The following SLC25A12 variants were observed in gnomAD, a reference collection of about 807,000 sequenced individuals.
The protein encoded by SLC25A12 is electrogenic aspartate/glutamate antiporter SLC25A12, mitochondrial.
A neutral mutation model predicts 83.3 loss-of-function variants in SLC25A12; 32 were observed. The observed-to-expected ratio is 0.38, with a 90% confidence interval of 0.29 to 0.52. SLC25A12 has a LOEUF of 0.52. SLC25A12 is among the 20% of genes least tolerant of loss of function. SLC25A12 has a pLI of 0.84. For missense variants in SLC25A12, 611 were observed against 835.6 expected (o/e 0.73, Z 3.31); for synonymous variants, 267 against 291.1 (o/e 0.92, Z 0.84).
rs746521557 is a variant in SLC25A12 at position 171,844,321 on chromosome 2, C to A, written c.465+48G>T. 10 of 1,579,152 alleles carry A rather than the reference C, an allele frequency of 6.3e-6. No homozygotes were observed. The African/African-American group carries it at 1.2e-4, about 19-fold the overall frequency. ...AACTTAATAAATACAAAGCGAAGGA[C>A]ACAGAAGAATAGTATATATTGATAC... is the stretch of plus-strand genomic sequence containing the variant. On this transcript the variant is annotated intron_variant, in intron 5 of 17. Transcript: ENST00000422440.
intron 3 of SLC25A12, among the ~76,000 whole-genome samples, chr2:171,864,450 A>G (rs542242661): frequency 1.3e-5 from 2 of 152,272 alleles, no homozygotes; most frequent in East Asian, 1.9e-4. Flanking sequence ...TCACACACCC[A>G]TACACTACCA....
At chr2:171,861,718 T>C (rs1216698971) in intron 3 of SLC25A12, among the ~76,000 whole-genome samples, 1 of 152,200 alleles carries the variant, frequency 6.6e-6, no homozygotes. Flanking sequence ...CCAGAATATT[T>C]TTAAGGCTCC....
chr2:171,873,265 G>A (rs548006908), intron 2 of SLC25A12, among the ~76,000 whole-genome samples: 5 of 152,122 alleles, frequency 3.3e-5, no homozygotes, highest in African/African-American at 1.2e-4. Context: ...TGGCTAACAC[G>A]GTGAAACCCC....
intron 2 of SLC25A12, among the ~76,000 whole-genome samples, chr2:171,881,570 C>T (rs964484644): frequency 1.3e-5 from 2 of 152,094 alleles, no homozygotes; most frequent in African/African-American, 2.4e-5. Context: ...GGAAGGACTT[C>T]AAGCCTTCAG....
intron 2 of SLC25A12, among the ~76,000 whole-genome samples, chr2:171,876,549 G>GGT (rs1558941971): frequency 1.4e-5 from 2 of 143,298 alleles, no homozygotes; most frequent in Non-Finnish European, 3.1e-5. Context: ...TTTTTGGGGG[G>GGT]GGGGGGACTC....
intron 3 of SLC25A12, among the ~76,000 whole-genome samples, chr2:171,865,211 C>T (rs961414383): frequency 8.5e-5 from 13 of 152,112 alleles, no homozygotes; most frequent in African/African-American, 2.7e-4. Flanking sequence ...ATTTGGAACT[C>T]GTTCTGCTCA....
Position 171,824,443 on chromosome 2 carries a change from G to A in SLC25A12, c.930+2355C>T, listed in dbSNP as rs568895576. On this transcript the variant is annotated intron_variant, in intron 9 of 17. Coordinates refer to ENST00000422440, the MANE Select transcript of SLC25A12 (RefSeq NM_003705.5). ...AAACTGAGGAGGAGAAATGAGTTGA[G>A]ACTTTTAAATTCAATGTTTTTAATA... 9.9e-5 allele frequency among the ~76,000 whole-genome samples: 15 copies of A among 152,244 alleles called. No individual in the cohort carries two copies. The South Asian group carries it at 2.9e-3, about 29-fold the overall frequency.
At chr2:171,809,279 C>T (rs1469669503) in intron 13 of SLC25A12, 15 of 317,440 alleles carry the variant, frequency 4.7e-5, no homozygotes, top group Non-Finnish European at 7.8e-5. Context: ...GGAATTGCCA[C>T]ACTGTCTTCC....
intron 3 of SLC25A12, among the ~76,000 whole-genome samples, chr2:171,862,599 G>C (rs1209473548): frequency 6.6e-6 from 1 of 152,176 alleles, no homozygotes; most frequent in Non-Finnish European, 1.5e-5. Context: ...AAGGATTGCA[G>C]AGCACAAAAG....
At chr2:171,810,500 G>A (rs1320735088) in intron 11 of SLC25A12, among the ~76,000 whole-genome samples, 1 of 152,130 alleles carries the variant, frequency 6.6e-6, no homozygotes, top group Non-Finnish European at 1.5e-5. Context: ...CTCTTCTTAA[G>A]CATGCTTACT....
chr2:171,846,222 T>C (rs1684794865), intron 4 of SLC25A12, among the ~76,000 whole-genome samples: 2 of 151,938 alleles, frequency 1.3e-5, no homozygotes, highest in Admixed American at 1.3e-4. Flanking sequence ...TTAAAAAAAA[T>C]TAAAAATGGA....
chr2:171,804,163 T>C (rs1448995252), intron 13 of SLC25A12, among the ~76,000 whole-genome samples: 1 of 152,228 alleles, frequency 6.6e-6, no homozygotes, highest in East Asian at 1.9e-4. Context: ...TACTGATACA[T>C]GCTACAACAC....
intron 2 of SLC25A12, among the ~76,000 whole-genome samples, chr2:171,886,591 C>G (rs904916186): frequency 6.6e-6 from 1 of 151,822 alleles, no homozygotes; most frequent in Non-Finnish European, 1.5e-5. Context: ...CTCACTGCAA[C>G]CTCAGCCTCC....
At chr2:171,890,471 G>A (rs1023736565) in intron 2 of SLC25A12, among the ~76,000 whole-genome samples, 5 of 122,376 alleles carry the variant, frequency 4.1e-5, no homozygotes, top group Non-Finnish European at 3.5e-5. Context: ...ACTGTATCGT[G>A]TGTGTCTGTG....
chr2:171,809,323 A>G, intron 13 of SLC25A12: 2 of 412,376 alleles, frequency 4.8e-6, no homozygotes, highest in Non-Finnish European at 9.0e-6. Context: ...TCCCACCAAC[A>G]GTGTAAAATG....
At chr2:171,889,597 T>C (rs1414748206) in intron 2 of SLC25A12, among the ~76,000 whole-genome samples, 1 of 152,180 alleles carries the variant, frequency 6.6e-6, no homozygotes, top group African/African-American at 2.4e-5. Context: ...CAAATCCAAA[T>C]TCCTTGGCTA....
At chr2:171,868,079 C>T (rs988302904) in intron 3 of SLC25A12, among the ~76,000 whole-genome samples, 3 of 152,166 alleles carry the variant, frequency 2.0e-5, no homozygotes, top group African/African-American at 7.2e-5. Flanking sequence ...ATCTCCTGAC[C>T]TCGTGATCCA....
chr2:171,828,382 A>G (rs904122821), intron 8 of SLC25A12, among the ~76,000 whole-genome samples: 4 of 152,180 alleles, frequency 2.6e-5, no homozygotes, highest in Admixed American at 6.5e-5. Context: ...TCTTATGTCA[A>G]ATTCTCCTAA....
Position 171,813,361 on chromosome 2 carries a change from C to A in SLC25A12, c.1149G>T (p.Glu383Asp). Reference sequence around the variant, plus strand: ...CACCCCTGTAGAGTCCAAAGAAGCCCTCATAACGCAAGACTTTCTTAAAAC... The same window carrying A: ...CACCCCTGTAGAGTCCAAAGAAGCCATCATAACGCAAGACTTTCTTAAAAC... ...FDCFKKVLRY[E>D]GFFGLYRGLI... The change falls in exon 11 of 18, where the codon GAG (glutamate) becomes GAT (aspartate). Residue 383 changes from glutamate to aspartate, a missense_variant. By Grantham distance (45) the Glu-to-Asp change is conservative (BLOSUM62 2). Transcript: ENST00000422440. The A allele has an allele frequency of 6.2e-7, 1 of 1,614,008 alleles. No individual in the cohort carries two copies. Among genetic ancestry groups the A allele is most frequent in the Non-Finnish European group, 8.5e-7 (1 of 1,179,940 alleles).
Sources: gnomAD v4.1 joint callset for allele counts (sites outside exome capture counted in the v4.1 genomes callset) on GRCh38, gnomAD v4.1.1 for gene constraint, MANE v1.5 for transcripts, NCBI Gene and HGNC (gene_info 2026-07-23, HGNC 2026-07-21) for gene names.